The following CPLANE1 variants were observed in gnomAD, a reference collection of about 807,000 sequenced individuals.
CPLANE1 encodes the protein ciliogenesis and planar polarity effector 1.
In CPLANE1, 263 loss-of-function variants were observed where a neutral mutation model predicts 362.5. That is an observed-to-expected ratio of 0.73 (90% confidence interval 0.66 to 0.80). The LOEUF (loss-of-function observed/expected upper bound fraction) is 0.80. Ranked by LOEUF, CPLANE1 falls within the 30% of genes least tolerant of loss-of-function variation. The pLI is 0.00. For missense variants in CPLANE1, 3,461 were observed against 3,793.4 expected, an observed-to-expected ratio of 0.91 and a Z score of 2.30; for synonymous variants, 1,212 against 1,302.6, an observed-to-expected ratio of 0.93 and a Z score of 1.50.
chr5:37,122,701 G>A (rs1763006382), intron 47 of CPLANE1, among the ~76,000 whole-genome samples: 1 of 152,066 alleles, frequency 6.6e-6, no homozygotes, highest in African/African-American at 2.4e-5. Context: ...ATCACCTGAG[G>A]TCAGGAGTTC....
chr5:37,163,723 T>TA (rs1777492978), intron 37 of CPLANE1, among the ~76,000 whole-genome samples: 1 of 152,084 alleles, frequency 6.6e-6, no homozygotes, highest in African/African-American at 2.4e-5. Context: ...ATGCTAGAGG[T>TA]GTCTCTTTGC....
chr5:37,105,142 T>C (rs557748750), downstream of CPLANE1, among the ~76,000 whole-genome samples: 2 of 151,428 alleles, frequency 1.3e-5, no homozygotes, highest in African/African-American at 2.4e-5. Flanking sequence ...CTATGAAAAC[T>C]ACAAAAAATT....
intron 28 of CPLANE1, 24 bp downstream of exon 28, chr5:37,179,993 A>T: frequency 1.3e-6 from 2 of 1,498,158 alleles, no homozygotes; most frequent in Non-Finnish European, 1.8e-6. Context: ...AAGCCAAAAA[A>T]ATAGATTATC....
intron 31 of CPLANE1, 148 bp downstream of exon 31, chr5:37,175,761 C>G: frequency 3.3e-6 from 2 of 609,584 alleles, no homozygotes; most frequent in Non-Finnish European, 5.8e-6. Flanking sequence ...TTATGCTGCT[C>G]TTTCAATGTT....
At chr5:37,109,492 G>C (rs1758493872) in intron 51 of CPLANE1, among the ~76,000 whole-genome samples, 1 of 152,026 alleles carries the variant, frequency 6.6e-6, no homozygotes, top group African/African-American at 2.4e-5. Flanking sequence ...CATGCTGACA[G>C]CTCTCTAAAA....
intron 9 of CPLANE1, among the ~76,000 whole-genome samples, chr5:37,229,118 G>C (rs1293325745): frequency 1.3e-5 from 2 of 151,130 alleles, no homozygotes; most frequent in African/African-American, 2.4e-5. Context: ...TACTCAGGAG[G>C]CTGAGGCAGA....
At chr5:37,139,513 A>G in intron 44 of CPLANE1, 143 bp from the exon 45 acceptor site, 1 of 1,124,348 alleles carries the variant, frequency 8.9e-7, no homozygotes, top group Non-Finnish European at 1.1e-6. Flanking sequence ...TATTTACAGC[A>G]TATTTATCCT....
chr5:37,217,855 C>T (rs569986930), intron 15 of CPLANE1, among the ~76,000 whole-genome samples: 257 of 149,268 alleles, frequency 1.7e-3, no homozygotes, highest in African/African-American at 5.8e-3. Flanking sequence ...TGGCAGGAGC[C>T]TGTAATCCCA....
At position 37,169,034 on chromosome 5, in the gene CPLANE1, CT is replaced by C; in HGVS notation, c.6989del (p.Gln2330ArgfsTer7). On this transcript the variant is annotated frameshift_variant, in exon 34 of 53. Transcript: ENST00000651892. LOFTEE classifies it high-confidence loss of function. The stretch of plus-strand genomic sequence containing the variant: ...CTGGTTTTATAAACACTGAAGAGTC[CT>C]GTTGAGGTGTCAAATTTTCTTGTCC... Reference protein sequence around the residue: ...YVGQENLTPQQDSSVFIKPEK... With the variant: ...YVGQENLTPQXDSSVFIKPEK... 3 of 1,614,150 alleles carry C rather than the reference CT, an allele frequency of 1.9e-6. No homozygotes were observed. Among genetic ancestry groups the C allele is most frequent in the Non-Finnish European group, 1.7e-6 (2 of 1,180,028 alleles).
Position 37,122,444 on chromosome 5 carries a change from C to T in CPLANE1, c.9003G>A (p.Lys3001=), listed in dbSNP as rs566931989. Residue 3001 remains lysine, a synonymous_variant, in exon 48 of 53, where the codon AAG becomes AAA. Coordinates refer to ENST00000651892, the MANE Select transcript of CPLANE1 (RefSeq NM_001384732.1). ...SREIRLRQKM[K]HEKDRLLLSE... Reference sequence around the variant, plus strand: ...ACCAAACTCACCTGTCTTTTTCATGCTTCATCTTTTGTCTCAGCCTTATTT... The same window carrying T: ...ACCAAACTCACCTGTCTTTTTCATGTTTCATCTTTTGTCTCAGCCTTATTT... The T allele has an allele frequency of 2.7e-5, 43 of 1,612,962 alleles. No individual in the cohort carries two copies. The highest frequency in any genetic ancestry group is 3.4e-5 in the Non-Finnish European group (40 of 1,179,644).
At chr5:37,242,389 C>T (rs1449581752) in intron 6 of CPLANE1, among the ~76,000 whole-genome samples, 1 of 152,018 alleles carries the variant, frequency 6.6e-6, no homozygotes, top group Non-Finnish European at 1.5e-5. Flanking sequence ...TTTTATTAGG[C>T]TTTTTAGAAT....
intron 6 of CPLANE1, among the ~76,000 whole-genome samples, chr5:37,240,155 C>G (rs1800024217): frequency 6.6e-6 from 1 of 152,046 alleles, no homozygotes; most frequent in Non-Finnish European, 1.5e-5. Flanking sequence ...AGTCTGAGAC[C>G]AGCCTAGCCA....
intron 16 of CPLANE1, chr5:37,211,941 G>C: frequency 1.2e-6 from 1 of 814,956 alleles, no homozygotes; most frequent in Non-Finnish European, 2.2e-6. Context: ...TGTAGCTGCT[G>C]TGCCCCTCTC....
In CPLANE1 at chr5:37,187,587, A is replaced by G. The variant is rs1332966048; in HGVS notation, c.3922-15T>C. The G allele has an allele frequency of 8.8e-6, 14 of 1,596,774 alleles. No homozygotes were observed. The highest frequency in any genetic ancestry group is 1.2e-5 in the Non-Finnish European group (14 of 1,173,100). On this transcript the variant is annotated splice_polypyrimidine_tract_variant and intron_variant, in intron 22 of 52. Transcript: ENST00000651892. ...ACTTCAAGGTCCTAAAAGGATATTGAAAAACATTCATTTCCTTTTTAGTTT... is the reference window on the plus strand; with the variant it reads ...ACTTCAAGGTCCTAAAAGGATATTGGAAAACATTCATTTCCTTTTTAGTTT...
chr5:37,153,712 C>CA, intron 42 of CPLANE1, 28 bp downstream of exon 42: 1 of 1,579,758 alleles, frequency 6.3e-7, no homozygotes, highest in Non-Finnish European at 8.6e-7. Flanking sequence ...CAGTAGCAAA[C>CA]AAAAAACTAA....
At chr5:37,130,072 G>A (rs915939690) in intron 46 of CPLANE1, among the ~76,000 whole-genome samples, 12 of 152,150 alleles carry the variant, frequency 7.9e-5, no homozygotes, top group Non-Finnish European at 1.5e-4. Flanking sequence ...GCCATAAAAA[G>A]GAATGAAATA....
At position 37,121,606 on chromosome 5, in the gene CPLANE1, C is replaced by A. The variant is rs1253722583; in HGVS notation, c.9185+11G>T. The A allele has an allele frequency of 3.1e-6, 5 of 1,613,528 alleles. No homozygotes were observed. In the South Asian group the frequency reaches 5.5e-5, roughly 18 times the overall value. On this transcript the variant is annotated intron_variant, in intron 49 of 52. Coordinates refer to ENST00000651892, the MANE Select transcript of CPLANE1 (RefSeq NM_001384732.1). Reference sequence around the variant, plus strand: ...TTATCTTGCCAAATGGCATGTGAAACCTTGTCTTACCCTCTTGGAGAAGGG... The same window carrying A: ...TTATCTTGCCAAATGGCATGTGAAAACTTGTCTTACCCTCTTGGAGAAGGG...
At chr5:37,077,606 CTTTTTTTT>C in the CPLANE1 span, among the ~76,000 whole-genome samples, 7 of 75,922 alleles carry the variant, frequency 9.2e-5, no homozygotes, top group Admixed American at 9.4e-4. Context: ...GTGTGTGTGT[CTTTTTTTT>C]TTTTTTTTTT....
At position 37,169,042 on chromosome 5, in the gene CPLANE1, G is replaced by A. The variant is rs755609467; in HGVS notation, c.6982C>T (p.Pro2328Ser). ...DQYVGQENLT[P>S]QQDSSVFIKP... ...ATAAACACTGAAGAGTCCTGTTGAG[G>A]TGTCAAATTTTCTTGTCCAACATAT... Residue 2328 changes from proline (P) to serine (S), a missense_variant, in exon 34 of 53, where the codon CCT becomes TCT. This residue lies in a region of CPLANE1 where 3,380 missense variants were observed against 3,666.1 expected (regional missense o/e 0.92). Coordinates refer to ENST00000651892, the MANE Select transcript of CPLANE1 (RefSeq NM_001384732.1). The A allele has an allele frequency of 1.9e-6, 3 of 1,614,160 alleles. No homozygotes were observed. The highest frequency in any genetic ancestry group is 2.5e-6 in the Non-Finnish European group (3 of 1,180,024).
Sources: gnomAD v4.1 joint callset for allele counts (sites outside exome capture counted in the v4.1 genomes callset) on GRCh38, gnomAD v4.1.1 for gene constraint, gnomAD v4.1.1 regional missense constraint, MANE v1.5 for transcripts, NCBI Gene and HGNC (gene_info 2026-07-23, HGNC 2026-07-21) for gene names.